LRRC4C: variants seen among roughly 807,000 people sequenced by gnomAD.
The protein encoded by LRRC4C is leucine-rich repeat-containing protein 4C.
A neutral mutation model predicts 33.6 loss-of-function variants in LRRC4C; 5 were observed. The ratio of observed to expected loss-of-function variants is 0.15; its 90% CI spans 0.08 to 0.31. LRRC4C has a LOEUF of 0.31. Among genes scored for constraint, LRRC4C ranks in the 10% least tolerant of loss-of-function variants. The probability of loss-of-function intolerance (pLI) is 1.00; values close to 1 mark genes in which losing one functional copy is unlikely to be tolerated. For synonymous variants in LRRC4C, 329 were observed against 302.0 expected (o/e 1.09, Z -0.93); for missense variants, 560 against 796.7 (o/e 0.70, Z 3.58).
Position 40,410,256 on chromosome 11 carries a change from A to C in LRRC4C, c.-269-90535T>G, listed in dbSNP as rs142881724. ...TTTAAATATCATAAAAGAAACAGGA[A>C]AACCATTATAATATATCTTACTTAA... On this transcript the variant is annotated intron_variant, in intron 3 of 6. Transcript: ENST00000528697. Among the ~76,000 whole-genome samples the C allele has an allele frequency of 4.8e-4, 73 of 152,284 alleles. 1 individual carries two copies. The highest frequency in any genetic ancestry group is 1.7e-3 in the African/African-American group (69 of 41,572).
chr11:40,736,105 C>T (rs1339841627), intron 2 of LRRC4C, among the ~76,000 whole-genome samples: 3 of 151,970 alleles, frequency 2.0e-5, no homozygotes, highest in African/African-American at 7.3e-5. Context: ...TGGTGGTTTT[C>T]TGTACCCATC....
chr11:40,498,525 G>A (rs1954585642), intron 3 of LRRC4C, among the ~76,000 whole-genome samples: 1 of 152,164 alleles, frequency 6.6e-6, no homozygotes, highest in African/African-American at 2.4e-5. Flanking sequence ...TTAGGTTTTA[G>A]CATTAGCAAA....
intron 3 of LRRC4C, among the ~76,000 whole-genome samples, chr11:40,612,465 G>A (rs2135893653): frequency 6.6e-6 from 1 of 151,956 alleles, no homozygotes; most frequent in East Asian, 1.9e-4. Flanking sequence ...AAGATCTGCT[G>A]TATAACAATG....
At chr11:41,439,537 A>T (rs191783111) in intron 1 of LRRC4C, among the ~76,000 whole-genome samples, 108 of 152,052 alleles carry the variant, frequency 7.1e-4, no homozygotes, top group Admixed American at 1.8e-3. Flanking sequence ...CAAACATCCA[A>T]TTTTTTTTAT....
At chr11:40,228,859 G>C (rs570074394) in intron 5 of LRRC4C, among the ~76,000 whole-genome samples, 2 of 152,146 alleles carry the variant, frequency 1.3e-5, no homozygotes, top group East Asian at 3.9e-4. Context: ...GATCTGTTTA[G>C]GTTGGCTGTA....
chr11:40,590,945 T>C (rs998052196), intron 3 of LRRC4C, among the ~76,000 whole-genome samples: 2 of 152,202 alleles, frequency 1.3e-5, no homozygotes, highest in African/African-American at 4.8e-5. Flanking sequence ...GTCTGTGCCC[T>C]GCCCCCAGAG....
At chr11:40,607,748 G>T (rs186218455) in intron 3 of LRRC4C, among the ~76,000 whole-genome samples, 9 of 152,244 alleles carry the variant, frequency 5.9e-5, no homozygotes, top group Admixed American at 5.2e-4. Flanking sequence ...CTCTCCTTGT[G>T]ATGAGGCAGA....
At chr11:40,130,926 C>T (rs999448840) in intron 6 of LRRC4C, among the ~76,000 whole-genome samples, 4 of 152,124 alleles carry the variant, frequency 2.6e-5, no homozygotes, top group African/African-American at 9.7e-5. Flanking sequence ...TTTACAATGG[C>T]TCTTTCTACT....
At chr11:40,520,518 A>G (rs1955765104) in intron 3 of LRRC4C, among the ~76,000 whole-genome samples, 1 of 152,222 alleles carries the variant, frequency 6.6e-6, no homozygotes, top group African/African-American at 2.4e-5. Flanking sequence ...ATTGGGGAAC[A>G]ACTGTTTGGT....
intron 5 of LRRC4C, among the ~76,000 whole-genome samples, chr11:40,152,621 G>A (rs919176023): frequency 1.3e-5 from 2 of 152,102 alleles, no homozygotes; most frequent in East Asian, 1.9e-4. Context: ...GAGTGAGACC[G>A]GCCCTTCAGT....
At chr11:41,346,933 A>AT (rs1299429658) in intron 1 of LRRC4C, among the ~76,000 whole-genome samples, 1 of 152,236 alleles carries the variant, frequency 6.6e-6, no homozygotes, top group East Asian at 1.9e-4. Context: ...ATTTATAGTA[A>AT]ATGCCAGGCA....
At chr11:41,371,593 A>C (rs1186386499) in intron 1 of LRRC4C, among the ~76,000 whole-genome samples, 2 of 152,252 alleles carry the variant, frequency 1.3e-5, no homozygotes, top group Non-Finnish European at 2.9e-5. Context: ...CTTCTGAATC[A>C]TGCAGATTAT....
intron 1 of LRRC4C, chr11:41,223,058 G>GATAAT (rs1947376568): frequency 6.6e-6 from 1 of 152,004 alleles, no homozygotes; most frequent in Non-Finnish European, 1.5e-5. Flanking sequence ...TCAGAGCACT[G>GATAAT]GCACAGAGTG....
intron 5 of LRRC4C, among the ~76,000 whole-genome samples, chr11:40,143,647 G>A (rs902712512): frequency 3.3e-5 from 5 of 152,086 alleles, no homozygotes; most frequent in Admixed American, 2.6e-4. Context: ...TTCCTTCAGG[G>A]CTCTGCTAAA....
chr11:40,912,397 T>C (rs1956739979), intron 2 of LRRC4C, among the ~76,000 whole-genome samples: 1 of 152,220 alleles, frequency 6.6e-6, no homozygotes, highest in Non-Finnish European at 1.5e-5. Context: ...ATATTCAACA[T>C]TCTTAAAGAA....
At chr11:40,464,965 T>C (rs1590822494) in intron 3 of LRRC4C, among the ~76,000 whole-genome samples, 1 of 151,870 alleles carries the variant, frequency 6.6e-6, no homozygotes, top group African/African-American at 2.4e-5. Flanking sequence ...AAAAAACAGT[T>C]CTAAAATTAA....
At chr11:41,397,299 C>G (rs1953857296) in intron 1 of LRRC4C, among the ~76,000 whole-genome samples, 1 of 152,080 alleles carries the variant, frequency 6.6e-6, no homozygotes, top group South Asian at 2.1e-4. Context: ...CTTGCCACCA[C>G]TGAAACATCA....
chr11:40,477,917 C>CAG (rs143623717), intron 3 of LRRC4C, among the ~76,000 whole-genome samples: 3,960 of 152,200 alleles, frequency 0.026, 173 homozygotes, highest in African/African-American at 0.09. Flanking sequence ...ATCATGGGGG[C>CAG]AGGTCTTTTC....
At chr11:41,370,180 A>G (rs1952691229) in intron 1 of LRRC4C, among the ~76,000 whole-genome samples, 1 of 152,126 alleles carries the variant, frequency 6.6e-6, no homozygotes, top group South Asian at 2.1e-4. Context: ...ACATTATTTC[A>G]TTATTTATTT....
Sources: allele counts gnomAD v4.1 joint callset (sites outside exome capture counted in the v4.1 genomes callset), GRCh38; gene constraint gnomAD v4.1.1; transcripts MANE v1.5; gene names NCBI Gene and HGNC (gene_info 2026-07-23, HGNC 2026-07-21).